The following CAMKMT variants were observed in gnomAD, a reference collection of about 807,000 sequenced individuals.
The protein encoded by CAMKMT is CaM KMT.
A neutral mutation model predicts 48.0 loss-of-function variants in CAMKMT; 53 were observed. The ratio of observed to expected loss-of-function variants is 1.10; its 90% CI spans 0.89 to 1.39. The LOEUF (loss-of-function observed/expected upper bound fraction) is 1.39, where lower values mean the gene tolerates loss of function less well. Ranked by LOEUF, CAMKMT falls within the 40% of genes most tolerant of loss-of-function variation. CAMKMT has a pLI of 0.00. For synonymous variants in CAMKMT, 165 were observed against 152.3 expected, an observed-to-expected ratio of 1.08 and a Z score of -0.61; for missense variants, 428 against 402.7, an observed-to-expected ratio of 1.06 and a Z score of -0.54.
At chr2:44,433,363 G>C (rs979567694) in intron 3 of CAMKMT, among the ~76,000 whole-genome samples, 1 of 152,044 alleles carries the variant, frequency 6.6e-6, no homozygotes, top group Non-Finnish European at 1.5e-5. Flanking sequence ...AATACATATC[G>C]TGGAACTTTT....
intron 8 of CAMKMT, among the ~76,000 whole-genome samples, chr2:44,749,025 T>C (rs762331052): frequency 2.2e-4 from 33 of 152,190 alleles, no homozygotes; most frequent in Non-Finnish European, 2.1e-4. Context: ...TTTGAGAATG[T>C]AGTTTTGGGA....
chr2:44,410,247 A>ATTTTT lies in CAMKMT; in HGVS notation c.376+19965_376+19969dup, dbSNP rs1164693728. Reference sequence around the variant, plus strand: ...CAGGTATCAGTATATATATATATATATTTTTTTTTTTTTTTTTTTTTTTTT... The same window carrying ATTTTT: ...CAGGTATCAGTATATATATATATATATTTTTTTTTTTTTTTTTTTTTTTTTTTTTT... On this transcript the variant is annotated intron_variant, in intron 3 of 10. Coordinates refer to ENST00000378494, the MANE Select transcript of CAMKMT (RefSeq NM_024766.5). Among the ~76,000 whole-genome samples the ATTTTT allele has an allele frequency of 6.2e-4, 12 of 19,486 alleles. 2 individuals carry two copies. Among genetic ancestry groups the ATTTTT allele is most frequent in the East Asian group, 1.7e-3 (2 of 1,150 alleles). 12.8% of individuals were successfully genotyped at this position (19,486 alleles called of 152,430 possible).
chr2:44,601,405 A>G (rs1670980825), intron 3 of CAMKMT, among the ~76,000 whole-genome samples: 2 of 152,088 alleles, frequency 1.3e-5, no homozygotes, highest in Non-Finnish European at 2.9e-5. Context: ...GCGGTGAGCC[A>G]AGATTGCGCC....
At chr2:44,682,622 C>T (rs898719654) in intron 3 of CAMKMT, among the ~76,000 whole-genome samples, 2 of 152,132 alleles carry the variant, frequency 1.3e-5, no homozygotes, top group African/African-American at 4.8e-5. Flanking sequence ...GATGAGATTC[C>T]CCCTATCTTG....
rs1438783479 is a variant in CAMKMT at position 44,390,140 on chromosome 2, A to G, written c.312-101A>G. 3.8e-6 allele frequency: 3 copies of G among 779,346 alleles called. No homozygotes were observed. The Admixed American group carries it at 7.9e-5, about 20-fold the overall frequency. 48.3% of individuals were successfully genotyped at this position (779,346 alleles called of 1,614,324 possible). The stretch of plus-strand genomic sequence containing the variant: ...ATATAGCATGGAATAATTTATTGCT[A>G]TTGGGTATACCATAATATACAGTCT... On this transcript the variant is annotated intron_variant, in intron 2 of 10. Transcript: ENST00000378494.
intron 3 of CAMKMT, among the ~76,000 whole-genome samples, chr2:44,454,136 CAT>C (rs976012024): frequency 1.3e-5 from 2 of 152,044 alleles, no homozygotes; most frequent in African/African-American, 4.8e-5. Flanking sequence ...TTAAATAAAA[CAT>C]ATATTTTTAA....
intron 3 of CAMKMT, among the ~76,000 whole-genome samples, chr2:44,525,414 C>A (rs1671353889): frequency 6.6e-6 from 1 of 151,940 alleles, no homozygotes; most frequent in Admixed American, 6.6e-5. Flanking sequence ...GCCACCATAC[C>A]CAGATAATTT....
chr2:44,477,911 C>G (rs939362417), intron 3 of CAMKMT, among the ~76,000 whole-genome samples: 1 of 152,194 alleles, frequency 6.6e-6, no homozygotes, highest in Non-Finnish European at 1.5e-5. Flanking sequence ...CTACTTCACA[C>G]AAAGGGACGG....
chr2:44,725,141 G>T (rs13009136), intron 7 of CAMKMT, among the ~76,000 whole-genome samples: 1 of 75,804 alleles, frequency 1.3e-5, no homozygotes. Flanking sequence ...TTGCTTTCTG[G>T]ACGTGTGTGT....
chr2:44,529,297 A>G (rs1572724363), intron 3 of CAMKMT, among the ~76,000 whole-genome samples: 1 of 152,210 alleles, frequency 6.6e-6, no homozygotes, highest in Admixed American at 6.5e-5. Flanking sequence ...CTTGAAAATC[A>G]CCATAAAATT....
intron 7 of CAMKMT, among the ~76,000 whole-genome samples, chr2:44,732,793 C>T (rs561949631): frequency 2.6e-5 from 4 of 152,296 alleles, no homozygotes; most frequent in African/African-American, 9.6e-5. Context: ...CATTGACATA[C>T]TCTGGGAGTT....
At chr2:44,475,845 T>A (rs1051083419) in intron 3 of CAMKMT, among the ~76,000 whole-genome samples, 5 of 152,214 alleles carry the variant, frequency 3.3e-5, no homozygotes, top group African/African-American at 9.6e-5. Flanking sequence ...AATGTATCGT[T>A]TAGGAATATT....
chr2:44,512,919 A>G (rs931657966), intron 3 of CAMKMT, among the ~76,000 whole-genome samples: 6 of 152,180 alleles, frequency 3.9e-5, no homozygotes, highest in African/African-American at 1.4e-4. Context: ...GCTGTCCCCC[A>G]TCTGTATGGA....
At chr2:44,504,200 A>G (rs1670146861) in intron 3 of CAMKMT, among the ~76,000 whole-genome samples, 1 of 152,080 alleles carries the variant, frequency 6.6e-6, no homozygotes, top group Non-Finnish European at 1.5e-5. Flanking sequence ...AGACCATAAC[A>G]CAACCCAGAA....
intron 3 of CAMKMT, among the ~76,000 whole-genome samples, chr2:44,582,846 G>A (rs547462087): frequency 6.6e-6 from 1 of 152,096 alleles, no homozygotes; most frequent in Non-Finnish European, 1.5e-5. Flanking sequence ...ACCTAAGCAG[G>A]GGAAATAACT....
At chr2:44,535,267 A>G (rs1666708284) in intron 3 of CAMKMT, among the ~76,000 whole-genome samples, 1 of 152,188 alleles carries the variant, frequency 6.6e-6, no homozygotes, top group African/African-American at 2.4e-5. Context: ...TCTCCCAACA[A>G]AGAAAAGCCC....
intron 3 of CAMKMT, among the ~76,000 whole-genome samples, chr2:44,516,739 ATTT>A (rs749089273): frequency 1.5e-5 from 2 of 133,096 alleles, no homozygotes; most frequent in Non-Finnish European, 1.6e-5. Flanking sequence ...GTTTCTTGAG[ATTT>A]TTTTTTTTTT....
chr2:44,372,023 C>T (rs1328026282), intron 1 of CAMKMT, among the ~76,000 whole-genome samples: 1 of 152,140 alleles, frequency 6.6e-6, no homozygotes, highest in Non-Finnish European at 1.5e-5. Flanking sequence ...AATATACCTC[C>T]CCATTCCTAG....
chr2:44,606,327 G>A (rs907441553), intron 3 of CAMKMT, among the ~76,000 whole-genome samples: 5 of 152,162 alleles, frequency 3.3e-5, no homozygotes, highest in African/African-American at 4.8e-5. Flanking sequence ...TGGCTGAAAC[G>A]ATTACCTCTC....
Sources: gnomAD v4.1 joint callset for allele counts (sites outside exome capture counted in the v4.1 genomes callset) on GRCh38, gnomAD v4.1.1 for gene constraint, MANE v1.5 for transcripts, NCBI Gene and HGNC (gene_info 2026-07-23, HGNC 2026-07-21) for gene names.